Variants in TAF1B observed in about 807,000 individuals in gnomAD.
TAF1B encodes the protein TATA box-binding protein-associated factor RNA polymerase I subunit B.
Under a neutral mutation model 83.9 loss-of-function variants are expected in TAF1B, and 61 were observed. The ratio of observed to expected loss-of-function variants is 0.73; its 90% CI spans 0.59 to 0.90. The LOEUF (loss-of-function observed/expected upper bound fraction) is 0.90, where lower values mean the gene tolerates loss of function less well. TAF1B is among the 40% of genes least tolerant of loss of function. The pLI is 0.00. For missense variants in TAF1B, 625 were observed against 677.0 expected, an observed-to-expected ratio of 0.92 and a Z score of 0.85; for synonymous variants, 221 against 224.6, an observed-to-expected ratio of 0.98 and a Z score of 0.14.
intron 6 of TAF1B, chr2:9,868,773 A>G (rs1322778437): frequency 4.2e-6 from 2 of 476,062 alleles, no homozygotes; most frequent in Non-Finnish European, 8.5e-6. Flanking sequence ...GTTATTATGT[A>G]GCCATATAGT....
intron 8 of TAF1B, among the ~76,000 whole-genome samples, chr2:9,896,774 A>G (rs1665033018): frequency 6.6e-6 from 1 of 152,216 alleles, no homozygotes; most frequent in Admixed American, 6.5e-5. Flanking sequence ...GCAGAGGGAC[A>G]TGGAATACAG....
chr2:9,919,958 G>C, intron 14 of TAF1B, 138 bp downstream of exon 14: 1 of 782,316 alleles, frequency 1.3e-6, no homozygotes, highest in South Asian at 1.9e-5. Flanking sequence ...TCTTGTGTAG[G>C]AGTTCTAGGA....
At chr2:9,880,908 T>G (rs1160781928) in intron 7 of TAF1B, among the ~76,000 whole-genome samples, 1 of 152,236 alleles carries the variant, frequency 6.6e-6, no homozygotes, top group Non-Finnish European at 1.5e-5. Context: ...AAATACTGAT[T>G]ACTGCACATA....
chr2:9,933,380 T>C (rs972563738), intron 14 of TAF1B, among the ~76,000 whole-genome samples: 1 of 152,264 alleles, frequency 6.6e-6, no homozygotes, highest in Admixed American at 6.5e-5. Context: ...TTATAAAGTC[T>C]AGTGTCTTAT....
intron 2 of TAF1B, among the ~76,000 whole-genome samples, chr2:9,848,893 G>T (rs749696759): frequency 6.6e-6 from 1 of 152,142 alleles, no homozygotes; most frequent in Non-Finnish European, 1.5e-5. Context: ...AAAATAAAAT[G>T]TAATACGTAC....
At chr2:9,851,752 A>T in intron 4 of TAF1B, 114 bp downstream of exon 4, 1 of 824,198 alleles carries the variant, frequency 1.2e-6, no homozygotes, top group Admixed American at 2.6e-5. Flanking sequence ...CTGGAAGAAT[A>T]ATTTTTCTGA....
chr2:9,911,984 T>C (rs1260097053), intron 11 of TAF1B, among the ~76,000 whole-genome samples: 3 of 152,220 alleles, frequency 2.0e-5, no homozygotes, highest in African/African-American at 7.2e-5. Context: ...TAAACACCAC[T>C]CTTCTGTCTG....
intron 2 of TAF1B, chr2:9,845,742 G>T: frequency 4.0e-6 from 1 of 250,570 alleles, no homozygotes; most frequent in Non-Finnish European, 7.8e-6. Context: ...CAGCACTTTG[G>T]GAGGCTAAGG....
At chr2:9,845,152 C>T (rs1231968161) in intron 1 of TAF1B, 68 bp from the exon 2 acceptor site, 6 of 1,165,782 alleles carry the variant, frequency 5.1e-6, no homozygotes, top group East Asian at 2.4e-5. Flanking sequence ...AATAGAACTG[C>T]AAGGTTTAGG....
intron 11 of TAF1B, among the ~76,000 whole-genome samples, chr2:9,912,792 A>G (rs1241991844): frequency 1.3e-5 from 2 of 152,218 alleles, no homozygotes; most frequent in South Asian, 2.1e-4. Flanking sequence ...ATTGATTACT[A>G]TAGTTTTCCT....
intron 8 of TAF1B, among the ~76,000 whole-genome samples, chr2:9,890,695 T>A (rs1664843254): frequency 6.6e-6 from 1 of 152,236 alleles, no homozygotes; most frequent in Non-Finnish European, 1.5e-5. Flanking sequence ...CCATGTGAAA[T>A]GATTACATCA....
chr2:9,882,204 G>A (rs1045955489), intron 7 of TAF1B, among the ~76,000 whole-genome samples: 2 of 151,942 alleles, frequency 1.3e-5, no homozygotes, highest in Non-Finnish European at 2.9e-5. Context: ...AGGTTCAAGC[G>A]ATTCTTCTGC....
intron 5 of TAF1B, among the ~76,000 whole-genome samples, chr2:9,867,771 G>A (rs992809487): frequency 4.6e-5 from 7 of 152,132 alleles, no homozygotes; most frequent in African/African-American, 1.4e-4. Context: ...GTTACAAATC[G>A]TATATGCTAC....
Position 9,865,717 on chromosome 2 carries a change from G to A in TAF1B, c.400-2559G>A, listed in dbSNP as rs930433539. 8.6e-5 allele frequency among the ~76,000 whole-genome samples: 13 copies of A among 151,876 alleles called. No homozygotes were observed. The South Asian group carries it at 1.9e-3, about 22-fold the overall frequency. ...AAGGCTACAGTAACCAAAACAGCAT[G>A]GTACTGGTACCAAAACAGAGATACA... On this transcript the variant is annotated intron_variant, in intron 5 of 14. Transcript: ENST00000263663.
chr2:9,917,752 T>C (rs1222879686), intron 12 of TAF1B, among the ~76,000 whole-genome samples: 1 of 152,178 alleles, frequency 6.6e-6, no homozygotes, highest in African/African-American at 2.4e-5. Context: ...CCTCCATAAT[T>C]TGTCATTCAA....
intron 8 of TAF1B, among the ~76,000 whole-genome samples, chr2:9,892,782 A>G (rs1664911345): frequency 6.6e-6 from 1 of 152,166 alleles, no homozygotes; most frequent in Admixed American, 6.5e-5. Flanking sequence ...ATTATCCAGC[A>G]GTAGGATTGC....
intron 4 of TAF1B, among the ~76,000 whole-genome samples, chr2:9,852,617 G>A (rs369432130): frequency 1.2e-4 from 18 of 151,988 alleles, no homozygotes; most frequent in South Asian, 1.0e-3. Flanking sequence ...TCAGCCTCCC[G>A]AGTAGCTGGG....
chr2:9,894,771 G>A (rs16867215), intron 8 of TAF1B, among the ~76,000 whole-genome samples: 27,341 of 152,080 alleles, frequency 0.18, 3,129 homozygotes, highest in East Asian at 0.31. Context: ...AAACTAAACC[G>A]AGTAACGGCA....
intron 14 of TAF1B, 107 bp from the exon 15 acceptor site, chr2:9,933,676 C>A: frequency 2.2e-6 from 2 of 926,422 alleles, no homozygotes; most frequent in South Asian, 1.8e-5. Context: ...TGTTTTAAGC[C>A]TAACCATATA....
Sources: gnomAD v4.1 joint callset for allele counts (sites outside exome capture counted in the v4.1 genomes callset) on GRCh38, gnomAD v4.1.1 for gene constraint, MANE v1.5 for transcripts, NCBI Gene and HGNC (gene_info 2026-07-23, HGNC 2026-07-21) for gene names.